The following ZNF638 variants were observed in gnomAD, a reference collection of about 807,000 sequenced individuals.
The protein encoded by ZNF638 is CTCL tumor antigen se33-1.
A neutral mutation model predicts 195.6 loss-of-function variants in ZNF638; 46 were observed. The observed-to-expected ratio is 0.24, with a 90% CI of 0.19 to 0.30. The LOEUF is 0.30. Among genes scored for constraint, ZNF638 ranks in the 10% least tolerant of loss-of-function variants. The pLI is 1.00. For synonymous variants in ZNF638, 845 were observed against 772.0 expected, an observed-to-expected ratio of 1.09 and a Z score of -1.57; for missense variants, 2,440 against 2,325.3, an observed-to-expected ratio of 1.05 and a Z score of -1.01.
chr2:71,393,292 A>G, intron 10 of ZNF638: 1 of 629,110 alleles, frequency 1.6e-6, no homozygotes, highest in East Asian at 2.8e-5. Flanking sequence ...AAGACATAAA[A>G]CCCGCAGTTT....
intron 4 of ZNF638, 80 bp from the exon 5 acceptor site, chr2:71,363,874 C>G (rs2079150722): frequency 2.3e-5 from 34 of 1,475,858 alleles, no homozygotes; most frequent in Non-Finnish European, 3.1e-5. Context: ...CTGTTTTTAA[C>G]AAGGTACTTC....
At chr2:71,400,406 T>C in intron 14 of ZNF638, 72 bp from the exon 15 acceptor site, 2 of 1,436,082 alleles carry the variant, frequency 1.4e-6, no homozygotes, top group Non-Finnish European at 1.9e-6. Flanking sequence ...AGCTACTGTT[T>C]AACCTATTGT....
chr2:71,356,902 T>G (rs527400049), intron 3 of ZNF638, among the ~76,000 whole-genome samples: 1 of 152,270 alleles, frequency 6.6e-6, no homozygotes, highest in East Asian at 1.9e-4. Context: ...GATGCTCAAA[T>G]AAAAATTGGT....
intron 23 of ZNF638, 97 bp downstream of exon 23, chr2:71,424,812 C>CT (rs1271976807): frequency 1.1e-5 from 10 of 916,102 alleles, no homozygotes; most frequent in African/African-American, 8.5e-5. Flanking sequence ...ATGTTAGTGA[C>CT]TAAGAGTTTA....
At chr2:71,341,910 TAAA>T (rs772346259) in intron 1 of ZNF638, 1 of 152,208 alleles carries the variant, frequency 6.6e-6, no homozygotes, top group South Asian at 2.1e-4. Context: ...ATCATTATCT[TAAA>T]AAGGCAGAGG....
rs1451803436 is a variant in ZNF638, at chr2:71,344,469, C to T, written c.-202-4284C>T. On this transcript the variant is annotated intron_variant, in intron 1 of 27. Coordinates refer to ENST00000264447, the MANE Select transcript of ZNF638 (RefSeq NM_014497.5). ...ACCCTAATTTCATGAGATACTAGCT[C>T]CATCTTAAAAAGTAGAGTGTTAGCT... Among the ~76,000 whole-genome samples, 4 of 152,112 alleles carry T rather than the reference C, an allele frequency of 2.6e-5. No homozygotes were observed. In the South Asian group the frequency reaches 6.2e-4, roughly 24 times the overall value.
At chr2:71,371,049 A>G (rs933228561) in intron 8 of ZNF638, among the ~76,000 whole-genome samples, 1 of 151,946 alleles carries the variant, frequency 6.6e-6, no homozygotes, top group Non-Finnish European at 1.5e-5. Context: ...AGAGCCCACA[A>G]ATTGTGGGAT....
At chr2:71,399,519 A>T in intron 12 of ZNF638, 40 bp from the exon 13 acceptor site, 1 of 1,431,338 alleles carries the variant, frequency 7.0e-7, no homozygotes, top group Non-Finnish European at 9.8e-7. Context: ...AAATGATTTA[A>T]CAAGACCTTT....
intron 1 of ZNF638, among the ~76,000 whole-genome samples, chr2:71,333,761 T>G (rs2078614873): frequency 6.6e-6 from 1 of 152,166 alleles, no homozygotes; most frequent in South Asian, 2.1e-4. Context: ...AGCTTTTGTT[T>G]CCTTATCTCT....
chr2:71,417,114 C>G (rs1258332670), intron 20 of ZNF638, among the ~76,000 whole-genome samples: 1 of 143,422 alleles, frequency 7.0e-6, no homozygotes, highest in Non-Finnish European at 1.5e-5. Context: ...GAGTGCTGTG[C>G]TAGCAATCAG....
chr2:71,396,088 C>G (rs1411105457), intron 10 of ZNF638, 53 bp from the exon 11 acceptor site: 1 of 1,522,974 alleles, frequency 6.6e-7, no homozygotes, highest in Non-Finnish European at 9.1e-7. Flanking sequence ...TTAACTAAAT[C>G]CAAGTGATGT....
At chr2:71,370,203 C>T (rs141287578) in intron 8 of ZNF638, among the ~76,000 whole-genome samples, 198 bp downstream of exon 8, 30 of 152,236 alleles carry the variant, frequency 2.0e-4, no homozygotes, top group African/African-American at 7.2e-4. Context: ...TAAATAACGA[C>T]GACTAGGAGA....
At position 71,389,218 on chromosome 2, in the gene ZNF638, A is replaced by G. The variant is rs559031372; in HGVS notation, c.2378-6923A>G. 1.1e-4 allele frequency among the ~76,000 whole-genome samples: 17 copies of G among 152,274 alleles called. No homozygotes were observed. The South Asian group carries it at 3.5e-3, about 32-fold the overall frequency. On this transcript the variant is annotated intron_variant, in intron 10 of 27. Coordinates refer to ENST00000264447, the MANE Select transcript of ZNF638 (RefSeq NM_014497.5). ...CCTCCCCCAATAAATTGGAAAAAAG[A>G]CAAGGGATACACTACAGCTGTGGGA...
At chr2:71,350,961 C>A (rs1409924882) in intron 2 of ZNF638, among the ~76,000 whole-genome samples, 1 of 152,114 alleles carries the variant, frequency 6.6e-6, no homozygotes, top group Admixed American at 6.5e-5. Flanking sequence ...AAGTATTTTG[C>A]AGAGGCAGTG....
intron 6 of ZNF638, among the ~76,000 whole-genome samples, chr2:71,366,597 A>T (rs1185212888): frequency 6.6e-6 from 1 of 152,206 alleles, no homozygotes; most frequent in African/African-American, 2.4e-5. Context: ...TCACAAGCAG[A>T]TCACTGTGAT....
At chr2:71,421,893 A>G (rs1326828859) in intron 21 of ZNF638, among the ~76,000 whole-genome samples, 1 of 152,180 alleles carries the variant, frequency 6.6e-6, no homozygotes, top group African/African-American at 2.4e-5. Context: ...ATTGATATAA[A>G]AATAACTTAT....
intron 2 of ZNF638, among the ~76,000 whole-genome samples, chr2:71,355,307 T>G (rs2079007075): frequency 6.6e-6 from 1 of 152,180 alleles, no homozygotes; most frequent in South Asian, 2.1e-4. Flanking sequence ...GTATTTGTCA[T>G]TGAAATATTG....
chr2:71,400,649 A>G, intron 15 of ZNF638, 131 bp downstream of exon 15: 2 of 718,726 alleles, frequency 2.8e-6, no homozygotes, highest in East Asian at 6.3e-5. Flanking sequence ...GTGACTTTTA[A>G]AACATGATTT....
At chr2:71,381,706 T>C (rs1316285854) in intron 10 of ZNF638, among the ~76,000 whole-genome samples, 1 of 152,116 alleles carries the variant, frequency 6.6e-6, no homozygotes, top group Non-Finnish European at 1.5e-5. Context: ...TTATAGCTAT[T>C]TTTTCTCTTT....
Sources: allele counts gnomAD v4.1 joint callset (sites outside exome capture counted in the v4.1 genomes callset), GRCh38; gene constraint gnomAD v4.1.1; transcripts MANE v1.5; gene names NCBI Gene and HGNC (gene_info 2026-07-23, HGNC 2026-07-21).